Variants in NPAS2 observed in about 807,000 individuals in gnomAD.
NPAS2 encodes neuronal PAS domain-containing protein 2.
NPAS2 carries 23 observed loss-of-function variants against 107.5 expected under a neutral mutation model. The observed-to-expected ratio is 0.21, with a 90% confidence interval of 0.15 to 0.30. The LOEUF (loss-of-function observed/expected upper bound fraction) is 0.30. Ranked by LOEUF, NPAS2 falls within the 10% of genes least tolerant of loss-of-function variation. The pLI is 1.00. For missense variants in NPAS2, 756 were observed against 1,043.3 expected (o/e 0.72, Z 3.79); for synonymous variants, 403 against 417.5 (o/e 0.97, Z 0.42).
chr2:100,852,564 C>G (rs1455745992), intron 1 of NPAS2, among the ~76,000 whole-genome samples: 2 of 152,124 alleles, frequency 1.3e-5, no homozygotes, highest in Non-Finnish European at 2.9e-5. Flanking sequence ...CTGGCTAGCA[C>G]AGCATACCCC....
At position 100,977,786 on chromosome 2, in the gene NPAS2, C is replaced by G. The variant is rs748004766; in HGVS notation, c.1469C>G (p.Ala490Gly). Residue 490 changes from alanine (A) to glycine (G), a missense_variant, in exon 15 of 21, where the codon GCT (alanine) becomes GGT (glycine). Ala to Gly is a moderately conservative substitution (Grantham distance 60). Transcript: ENST00000335681. The stretch of plus-strand genomic sequence containing the variant: ...CAGACCGTTCTGCAGAGCACGCCCG[C>G]TCCCATGGCACAGGTGAGTCTGGGA... ...LPQTVLQSTPAPMAQFSAQFS... is the reference protein window; with the variant it reads ...LPQTVLQSTPGPMAQFSAQFS... 6.2e-7 allele frequency: 1 copy of G among 1,614,070 alleles called. No homozygotes were observed. The highest frequency in any genetic ancestry group is 1.1e-5 in the South Asian group (1 of 91,088).
intron 2 of NPAS2, among the ~76,000 whole-genome samples, chr2:100,920,606 G>C (rs1683158674): frequency 6.6e-6 from 1 of 152,162 alleles, no homozygotes; most frequent in Non-Finnish European, 1.5e-5. Context: ...AAGCTGACGT[G>C]CTCATCACAG....
At chr2:100,958,170 T>C (rs1341234337) in intron 7 of NPAS2, among the ~76,000 whole-genome samples, 1 of 152,148 alleles carries the variant, frequency 6.6e-6, no homozygotes. Context: ...CACCAGAGTA[T>C]AAAAGTTTCC....
chr2:100,892,696 T>C (rs1408809303), intron 1 of NPAS2, among the ~76,000 whole-genome samples: 1 of 152,138 alleles, frequency 6.6e-6, no homozygotes, highest in Non-Finnish European at 1.5e-5. Context: ...TCACTGTCCA[T>C]CTCCTTTAGA....
chr2:100,880,153 A>G (rs1341936851), intron 1 of NPAS2, among the ~76,000 whole-genome samples: 1 of 152,206 alleles, frequency 6.6e-6, no homozygotes, highest in Admixed American at 6.5e-5. Flanking sequence ...AGATTGGAAC[A>G]CTCATACATG....
At chr2:100,972,393 T>C (rs1676638033) in intron 12 of NPAS2, among the ~76,000 whole-genome samples, 1 of 152,230 alleles carries the variant, frequency 6.6e-6, no homozygotes, top group Non-Finnish European at 1.5e-5. Context: ...TTAGAACTGG[T>C]GAAGCTCAAC....
chr2:100,966,140 A>G (rs929374030), intron 10 of NPAS2, among the ~76,000 whole-genome samples: 2 of 152,186 alleles, frequency 1.3e-5, no homozygotes, highest in Non-Finnish European at 2.9e-5. Context: ...AGTATTGGTC[A>G]CTAACCATAG....
At chr2:100,993,663 G>A (rs946164305) in intron 20 of NPAS2, 136 bp downstream of exon 20, 1 of 646,318 alleles carries the variant, frequency 1.5e-6, no homozygotes, top group African/African-American at 1.9e-5. Context: ...GCCCCAGAAA[G>A]ATTGTTATTT....
intron 1 of NPAS2, among the ~76,000 whole-genome samples, chr2:100,882,565 A>G (rs147576419): frequency 6.6e-6 from 1 of 152,222 alleles, no homozygotes; most frequent in Admixed American, 6.5e-5. Context: ...GTGAGCCGAG[A>G]TCGCACCACT....
Position 100,925,279 on chromosome 2 carries a change from T to C in NPAS2, c.166T>C (p.Leu56=). ...TTVLEKVIGF[L]QKHNEVSAQT... ...CGTGTTGGAAAAGGTCATCGGATTT[T>C]TGCAGAAACACAATGGTAAAGGTCA... The change falls in exon 3 of 21, where the codon TTG becomes CTG. Residue 56 remains leucine, a synonymous_variant. Transcript: ENST00000335681. 6.2e-7 allele frequency: 1 copy of C among 1,614,134 alleles called. No individual in the cohort carries two copies. Among genetic ancestry groups the C allele is most frequent in the Non-Finnish European group, 8.5e-7 (1 of 1,180,004 alleles).
At chr2:100,886,098 C>T (rs1326105471) in intron 1 of NPAS2, among the ~76,000 whole-genome samples, 11 of 152,316 alleles carry the variant, frequency 7.2e-5, no homozygotes, top group South Asian at 2.1e-4. Flanking sequence ...GAGTTGTGGT[C>T]GCCTGGAAAC....
intron 2 of NPAS2, among the ~76,000 whole-genome samples, chr2:100,907,000 C>G (rs1558860959): frequency 6.6e-6 from 1 of 152,106 alleles, no homozygotes; most frequent in Admixed American, 6.5e-5. Context: ...TCATATAAGA[C>G]CAAACTCAAT....
chr2:100,959,245 G>A (rs1278187140), intron 7 of NPAS2, among the ~76,000 whole-genome samples: 1 of 150,368 alleles, frequency 6.7e-6, no homozygotes, highest in African/African-American at 2.5e-5. Context: ...GTTCCAGCCT[G>A]GGCAAAGAAG....
chr2:100,966,679 C>T (rs1347407622), intron 10 of NPAS2, among the ~76,000 whole-genome samples: 1 of 149,958 alleles, frequency 6.7e-6, no homozygotes, highest in East Asian at 2.0e-4. Context: ...CTGCAAGCTT[C>T]ACCTTCTGGG....
chr2:100,904,508 A>AG (rs2104773174), intron 1 of NPAS2, among the ~76,000 whole-genome samples: 1 of 30,906 alleles, frequency 3.2e-5, no homozygotes, highest in East Asian at 3.5e-4. Context: ...ATGCCCAATG[A>AG]AAGAGTGCCT....
At chr2:100,866,989 A>G (rs1679295795) in intron 1 of NPAS2, among the ~76,000 whole-genome samples, 1 of 152,216 alleles carries the variant, frequency 6.6e-6, no homozygotes, top group East Asian at 1.9e-4. Flanking sequence ...TTTACAGGTT[A>G]GTTAATTTAT....
chr2:100,855,452 T>G (rs1429652553), intron 1 of NPAS2, among the ~76,000 whole-genome samples: 1 of 152,214 alleles, frequency 6.6e-6, no homozygotes, highest in Non-Finnish European at 1.5e-5. Context: ...CATTCTTGGA[T>G]CCTATTTGTG....
intron 20 of NPAS2, chr2:100,995,177 A>AGATC: frequency 2.8e-5 from 13 of 468,934 alleles, no homozygotes; most frequent in Admixed American, 7.6e-5. Context: ...TGCCCCCACT[A>AGATC]TTGGCGGAGA....
At chr2:100,953,397 AAAC>A (rs1675363844) in intron 7 of NPAS2, among the ~76,000 whole-genome samples, 1 of 151,790 alleles carries the variant, frequency 6.6e-6, no homozygotes, top group African/African-American at 2.4e-5. Context: ...AAAACAAAAA[AAAC>A]ACCCTATAAA....
Sources: allele counts gnomAD v4.1 joint callset (sites outside exome capture counted in the v4.1 genomes callset), GRCh38; gene constraint gnomAD v4.1.1; transcripts MANE v1.5; gene names NCBI Gene and HGNC (gene_info 2026-07-23, HGNC 2026-07-21).